The following SAMSN1 variants were observed in gnomAD, a reference collection of about 807,000 sequenced individuals.
SAMSN1 encodes SAM domain, SH3 domain and nuclear localization signals 1.
SAMSN1 carries 31 observed loss-of-function variants against 42.0 expected under a neutral mutation model. The observed-to-expected ratio is 0.74, with a 90% CI of 0.55 to 1.00. The LOEUF is 1.00. Among genes scored for constraint, SAMSN1 ranks in the 50% least tolerant of loss-of-function variants. The pLI, the probability that SAMSN1 is intolerant of heterozygous loss-of-function variation, is 0.00. For synonymous variants in SAMSN1, 178 were observed against 151.9 expected (o/e 1.17, Z -1.26); for missense variants, 464 against 439.4 (o/e 1.06, Z -0.50).
At chr21:14,609,609 A>G (rs1201669462) in intron 4 of SAMSN1, 1 of 717,230 alleles carries the variant, frequency 1.4e-6, no homozygotes, top group Admixed American at 2.0e-5. Context: ...ATTCATAGTA[A>G]CATTTGTCCA....
intron 4 of SAMSN1, among the ~76,000 whole-genome samples, chr21:14,610,329 C>A (rs1490561197): frequency 6.6e-6 from 1 of 152,084 alleles, no homozygotes; most frequent in African/African-American, 2.4e-5. Context: ...TGAAACATGC[C>A]CTAGTCTCCT....
intron 1 of SAMSN1, among the ~76,000 whole-genome samples, chr21:14,524,499 T>C (rs939511424): frequency 6.6e-6 from 1 of 152,186 alleles, no homozygotes; most frequent in Admixed American, 6.5e-5. Context: ...TCTTTCCTTA[T>C]GCAATTAGAA....
At chr21:14,509,517 CCT>C (rs1399981694) in intron 5 of SAMSN1, among the ~76,000 whole-genome samples, 2 of 151,376 alleles carry the variant, frequency 1.3e-5, no homozygotes, top group Admixed American at 6.6e-5. Context: ...ACCAAACACC[CCT>C]GTTCCCCAAT....
chr21:14,540,092 T>G lies in SAMSN1; in HGVS notation c.57+6113A>C, dbSNP rs556000138. Among the ~76,000 whole-genome samples, 22 of 152,332 alleles carry G rather than the reference T, an allele frequency of 1.4e-4. No individual in the cohort carries two copies. In the South Asian group the frequency reaches 1.7e-3, roughly 11 times the overall value. On this transcript the variant is annotated intron_variant, in intron 1 of 7. Transcript: ENST00000400566. ...GCTGGGAAAACTGGTTAGCCATATG[T>G]AGAAAGCTGAAACTGGATCCCTTCC...
intron 2 of SAMSN1, among the ~76,000 whole-genome samples, chr21:14,555,435 A>G (rs925815273): frequency 6.6e-6 from 1 of 152,152 alleles, no homozygotes; most frequent in Non-Finnish European, 1.5e-5. Flanking sequence ...ACATTTGGAC[A>G]TATTTATCTT....
chr21:14,652,462 A>T (rs1468489597), intron 1 of SAMSN1, among the ~76,000 whole-genome samples: 1 of 152,060 alleles, frequency 6.6e-6, no homozygotes, highest in Non-Finnish European at 1.5e-5. Context: ...TTCAATAAAT[A>T]GTGCTGGAAA....
intron 2 of SAMSN1, among the ~76,000 whole-genome samples, chr21:14,620,771 T>C (rs1982981081): frequency 6.6e-6 from 1 of 152,218 alleles, no homozygotes; most frequent in Non-Finnish European, 1.5e-5. Flanking sequence ...GAGATACATA[T>C]AGATGACATT....
At chr21:14,487,002 A>T (rs1048253775) in intron 7 of SAMSN1, among the ~76,000 whole-genome samples, 1 of 152,130 alleles carries the variant, frequency 6.6e-6, no homozygotes, top group African/African-American at 2.4e-5. Flanking sequence ...TGGTTTCTTG[A>T]TGGGTGTTTC....
At chr21:14,597,867 G>T (rs190605858) in intron 6 of SAMSN1, 2 of 152,096 alleles carry the variant, frequency 1.3e-5, no homozygotes, top group African/African-American at 4.8e-5. Context: ...GCAGGAAAGA[G>T]AGCAAAAAAC....
intron 7 of SAMSN1, chr21:14,591,327 G>C (rs1982077341): frequency 6.6e-6 from 1 of 152,086 alleles, no homozygotes; most frequent in Non-Finnish European, 1.5e-5. Flanking sequence ...ATCAGATGAG[G>C]ACCTAATTTA....
At chr21:14,552,380 G>C (rs141883387) in intron 2 of SAMSN1, among the ~76,000 whole-genome samples, 2 of 152,048 alleles carry the variant, frequency 1.3e-5, no homozygotes, top group Admixed American at 1.3e-4. Flanking sequence ...ATTCTCACCC[G>C]CAAGGTGGAA....
At chr21:14,624,770 C>A (rs1983116879) in intron 2 of SAMSN1, among the ~76,000 whole-genome samples, 1 of 152,204 alleles carries the variant, frequency 6.6e-6, no homozygotes, top group African/African-American at 2.4e-5. Flanking sequence ...CTCCCTAACT[C>A]ATTTTATGAG....
intron 7 of SAMSN1, among the ~76,000 whole-genome samples, chr21:14,489,400 G>A (rs1245022604): frequency 4.0e-5 from 6 of 151,842 alleles, no homozygotes; most frequent in African/African-American, 1.2e-4. Flanking sequence ...ACACACATAC[G>A]CATATAACTT....
At chr21:14,578,828 T>A (rs1251864972) in intron 2 of SAMSN1, among the ~76,000 whole-genome samples, 1 of 152,100 alleles carries the variant, frequency 6.6e-6, no homozygotes, top group Non-Finnish European at 1.5e-5. Context: ...TCTGCATATC[T>A]TGGCACGTAT....
intron 2 of SAMSN1, among the ~76,000 whole-genome samples, chr21:14,558,960 T>C (rs2123193749): frequency 6.6e-6 from 1 of 152,314 alleles, no homozygotes; most frequent in Middle Eastern, 3.4e-3. Flanking sequence ...CTTCTAATTC[T>C]GAACCCACGA....
intron 2 of SAMSN1, among the ~76,000 whole-genome samples, chr21:14,553,043 A>G (rs992499730): frequency 1.3e-5 from 2 of 151,922 alleles, no homozygotes; most frequent in Admixed American, 6.6e-5. Flanking sequence ...TCCTTCCAAT[A>G]TTTAAAAAAA....
intron 1 of SAMSN1, among the ~76,000 whole-genome samples, chr21:14,651,282 A>G (rs1600985159): frequency 1.3e-5 from 2 of 152,012 alleles, no homozygotes; most frequent in African/African-American, 4.8e-5. Flanking sequence ...AAAACTCCTC[A>G]ACAAAATACT....
intron 2 of SAMSN1, among the ~76,000 whole-genome samples, chr21:14,569,915 T>A (rs1049318460): frequency 1.3e-5 from 2 of 152,162 alleles, no homozygotes; most frequent in South Asian, 2.1e-4. Context: ...ACTTTTTTTT[T>A]TCTAAAAGGA....
chr21:14,589,867 T>C (rs186030160), intron 7 of SAMSN1, among the ~76,000 whole-genome samples: 97 of 152,324 alleles, frequency 6.4e-4, no homozygotes, highest in African/African-American at 2.2e-3. Context: ...ATTTAACAAA[T>C]ATTCAAATAA....
Sources: gnomAD v4.1 joint callset for allele counts (sites outside exome capture counted in the v4.1 genomes callset) on GRCh38, gnomAD v4.1.1 for gene constraint, MANE v1.5 for transcripts, NCBI Gene and HGNC (gene_info 2026-07-23, HGNC 2026-07-21) for gene names.